SPACA1: variants seen among roughly 807,000 people sequenced by gnomAD.
SPACA1 encodes sperm acrosome membrane-associated protein 1.
A neutral mutation model predicts 32.6 loss-of-function variants in SPACA1; 17 were observed. The ratio of observed to expected loss-of-function variants is 0.52; its 90% confidence interval spans 0.36 to 0.78. The LOEUF (loss-of-function observed/expected upper bound fraction) is 0.78. Ranked by LOEUF, SPACA1 falls within the 30% of genes least tolerant of loss-of-function variation. The pLI, the probability that SPACA1 is intolerant of heterozygous loss-of-function variation, is 0.01. For synonymous variants in SPACA1, 140 were observed against 138.1 expected, an observed-to-expected ratio of 1.01 and a Z score of -0.10; for missense variants, 363 against 373.4, an observed-to-expected ratio of 0.97 and a Z score of 0.23.
intron 5 of SPACA1, among the ~76,000 whole-genome samples, chr6:88,062,042 A>G (rs1325628614): frequency 6.6e-6 from 1 of 152,162 alleles, no homozygotes; most frequent in African/African-American, 2.4e-5. Flanking sequence ...TTTTTTATTT[A>G]AGTTTCCAAA....
chr6:88,061,811 G>A (rs1775902087), intron 5 of SPACA1, among the ~76,000 whole-genome samples: 1 of 152,116 alleles, frequency 6.6e-6, no homozygotes, highest in Admixed American at 6.5e-5. Flanking sequence ...AAAGGTGAGA[G>A]CATCAAATTT....
At position 88,059,536 on chromosome 6, in the gene SPACA1, G is replaced by A; in HGVS notation, c.558G>A (p.Leu186=). The change falls in exon 5 of 7, where the codon CTG becomes CTA. Residue 186 remains leucine, a synonymous_variant. Transcript: ENST00000237201. The part of the protein sequence containing the change: ...SHPLAFECDT[L]DNNEIVATIK... ...CCTTGGCTTTCGAGTGTGACACACTGGATAATAATGAAATAGTAGCAACTA... is the reference window on the plus strand; with the variant it reads ...CCTTGGCTTTCGAGTGTGACACACTAGATAATAATGAAATAGTAGCAACTA... 6.2e-7 allele frequency: 1 copy of A among 1,613,198 alleles called. No individual in the cohort carries two copies.
At chr6:88,058,613 T>G in intron 3 of SPACA1, 103 bp from the exon 4 acceptor site, 1 of 746,956 alleles carries the variant, frequency 1.3e-6, no homozygotes, top group Non-Finnish European at 2.2e-6. Flanking sequence ...TACTCCAGCC[T>G]GGGTGACAGA....
chr6:88,065,881 A>T (rs1278138784), intron 6 of SPACA1, among the ~76,000 whole-genome samples: 1 of 151,800 alleles, frequency 6.6e-6, no homozygotes, highest in Non-Finnish European at 1.5e-5. Context: ...GATTTTTACC[A>T]TTTTAAAGTA....
chr6:88,050,487 G>C (rs1341787996), intron 1 of SPACA1, among the ~76,000 whole-genome samples: 2 of 152,158 alleles, frequency 1.3e-5, no homozygotes, highest in African/African-American at 4.8e-5. Flanking sequence ...CAATAATTGT[G>C]AAATGTTTTT....
chr6:88,064,585 A>G (rs1166643779), intron 6 of SPACA1: 1 of 155,324 alleles, frequency 6.4e-6, no homozygotes, highest in Admixed American at 6.4e-5. Context: ...TTGTATGACA[A>G]TATTTATAAT....
intron 3 of SPACA1, among the ~76,000 whole-genome samples, chr6:88,058,091 G>C (rs950662369): frequency 1.3e-5 from 2 of 152,140 alleles, no homozygotes; most frequent in African/African-American, 4.8e-5. Flanking sequence ...ACATTATGCT[G>C]TTCTGAAATT....
At chr6:88,061,074 C>A (rs1248868042) in intron 5 of SPACA1, among the ~76,000 whole-genome samples, 1 of 152,288 alleles carries the variant, frequency 6.6e-6, no homozygotes, top group Non-Finnish European at 1.5e-5. Context: ...CTGCAACAGA[C>A]CCCTTTGGCT....
At chr6:88,065,694 C>T (rs1381466313) in intron 6 of SPACA1, among the ~76,000 whole-genome samples, 1 of 150,132 alleles carries the variant, frequency 6.7e-6, no homozygotes, top group Non-Finnish European at 1.5e-5. Context: ...TGAGTATGTC[C>T]CAGACCCCCC....
At position 88,066,051 on chromosome 6, in the gene SPACA1, A is replaced by G. The variant is rs1775979187; in HGVS notation, c.732-131A>G. 7 of 591,932 alleles carry G rather than the reference A, an allele frequency of 1.2e-5. 1 individual carries two copies. Among genetic ancestry groups the G allele is most frequent in the Non-Finnish European group, 1.6e-5 (6 of 371,792 alleles). 36.7% of individuals were successfully genotyped at this position (591,932 alleles called of 1,614,324 possible). A position where few individuals can be genotyped will look rare whatever the true frequency, so the allele number is the denominator to read the frequency against. On this transcript the variant is annotated intron_variant, in intron 6 of 6. Transcript: ENST00000237201. The stretch of plus-strand genomic sequence containing the variant: ...TACAGGTTATATATATTTGTACCAT[A>G]TATAATATATACATACAGGTAATAC...
At chr6:88,059,657 G>A (rs935776328) in intron 5 of SPACA1, 69 bp downstream of exon 5, 3 of 1,462,676 alleles carry the variant, frequency 2.1e-6, no homozygotes, top group Admixed American at 2.2e-5. Context: ...TCACTTAGAG[G>A]CTTGTTAAAA....
At chr6:88,062,694 AT>A (rs1775914733) in intron 5 of SPACA1, among the ~76,000 whole-genome samples, 1 of 152,116 alleles carries the variant, frequency 6.6e-6, no homozygotes, top group Non-Finnish European at 1.5e-5. Context: ...TGTGCCTATA[AT>A]ACTAGCTACT....
chr6:88,056,653 C>T (rs1562479127), intron 2 of SPACA1, among the ~76,000 whole-genome samples: 1 of 152,176 alleles, frequency 6.6e-6, no homozygotes, highest in African/African-American at 2.4e-5. Context: ...CACCTCTAGT[C>T]ATCAACTTCC....
At chr6:88,053,792 A>G (rs1165425211) in intron 1 of SPACA1, among the ~76,000 whole-genome samples, 154 bp from the exon 2 acceptor site, 1 of 152,210 alleles carries the variant, frequency 6.6e-6, no homozygotes, top group Non-Finnish European at 1.5e-5. Flanking sequence ...CAATAACAGT[A>G]CTCAGAATGG....
intron 2 of SPACA1, among the ~76,000 whole-genome samples, 171 bp downstream of exon 2, chr6:88,054,173 G>A (rs919738092): frequency 1.3e-5 from 2 of 150,392 alleles, no homozygotes; most frequent in South Asian, 4.2e-4. Flanking sequence ...GCTTTAAACT[G>A]TAAGATATTT....
chr6:88,060,879 G>A (rs1263037765), intron 5 of SPACA1, among the ~76,000 whole-genome samples: 1 of 152,172 alleles, frequency 6.6e-6, no homozygotes, highest in Non-Finnish European at 1.5e-5. Flanking sequence ...GTTAAAGGCT[G>A]GAGCACAGAC....
intron 5 of SPACA1, among the ~76,000 whole-genome samples, chr6:88,063,374 A>G (rs548605936): frequency 6.6e-6 from 1 of 152,316 alleles, no homozygotes; most frequent in East Asian, 1.9e-4. Context: ...TAATAAAAAA[A>G]TGATAGTTGC....
In SPACA1 at chr6:88,047,843, C is replaced by G; in HGVS notation, c.-63C>G. The G allele has an allele frequency of 1.4e-6, 2 of 1,435,356 alleles. No individual in the cohort carries two copies. The highest frequency in any genetic ancestry group is 1.4e-5 in the South Asian group (1 of 71,796). The allele number at this position is 1,435,356 out of a possible 1,614,324, so 88.9% of individuals were successfully genotyped here. A position where few individuals can be genotyped will look rare whatever the true frequency, so the allele number is the denominator to read the frequency against. On this transcript the variant is annotated 5_prime_UTR_variant, in exon 1 of 7. Coordinates refer to ENST00000237201, the MANE Select transcript of SPACA1 (RefSeq NM_030960.3). ...GGCGGGGTGTCGCAGCTCTCTTCGA[C>G]GTACCTGTCCTCAGGAGCCGCGGCG...
rs546217183 is a variant in SPACA1 at position 88,049,331 on chromosome 6, T to C, written c.208+1218T>C. Among the ~76,000 whole-genome samples the C allele has an allele frequency of 1.5e-3, 235 of 152,368 alleles. 1 individual carries two copies. Among genetic ancestry groups the C allele is most frequent in the Middle Eastern group, 6.8e-3 (2 of 294 alleles). ...AGGCTAAACTCAGGCAATAAAGTTATAATGTCTTACCTTCAAATTAAAATG... is the reference window on the plus strand; with the variant it reads ...AGGCTAAACTCAGGCAATAAAGTTACAATGTCTTACCTTCAAATTAAAATG... On this transcript the variant is annotated intron_variant, in intron 1 of 6. Transcript: ENST00000237201.
Sources: gnomAD v4.1 joint callset for allele counts (sites outside exome capture counted in the v4.1 genomes callset) on GRCh38, gnomAD v4.1.1 for gene constraint, MANE v1.5 for transcripts, NCBI Gene and HGNC (gene_info 2026-07-23, HGNC 2026-07-21) for gene names.